The following RABGEF1 variants were observed in gnomAD, a reference collection of about 807,000 sequenced individuals.
The protein encoded by RABGEF1 is RAB guanine nucleotide exchange factor 1.
A neutral mutation model predicts 57.3 loss-of-function variants in RABGEF1; 26 were observed. The observed-to-expected ratio is 0.45, with a 90% CI of 0.33 to 0.63. The LOEUF (loss-of-function observed/expected upper bound fraction) is 0.63, where lower values mean the gene tolerates loss of function less well. Among genes scored for constraint, RABGEF1 ranks in the 20% least tolerant of loss-of-function variants. The pLI, the probability that RABGEF1 is intolerant of heterozygous loss-of-function variation, is 0.02. For synonymous variants in RABGEF1, 185 were observed against 210.7 expected, an observed-to-expected ratio of 0.88 and a Z score of 1.06; for missense variants, 464 against 607.6, an observed-to-expected ratio of 0.76 and a Z score of 2.48.
At chr7:66,760,006 AC>A (rs1469841412) in intron 1 of RABGEF1, among the ~76,000 whole-genome samples, 1 of 152,204 alleles carries the variant, frequency 6.6e-6, no homozygotes, top group Admixed American at 6.5e-5. Flanking sequence ...CAGTACCGTA[AC>A]CATACAAAAC....
At chr7:66,757,565 C>G (rs1265488703) in intron 1 of RABGEF1, among the ~76,000 whole-genome samples, 1 of 152,216 alleles carries the variant, frequency 6.6e-6, no homozygotes, top group Non-Finnish European at 1.5e-5. Flanking sequence ...AGAGGGAACA[C>G]TATAGGAATA....
chr7:66,702,967 GT>G (rs929933893), intron 1 of RABGEF1, among the ~76,000 whole-genome samples: 2 of 151,862 alleles, frequency 1.3e-5, no homozygotes, highest in East Asian at 3.9e-4. Flanking sequence ...ATGTATCTAA[GT>G]TTTTTTGTTT....
chr7:66,711,277 T>A (rs1003985184), intron 1 of RABGEF1, among the ~76,000 whole-genome samples: 2 of 152,250 alleles, frequency 1.3e-5, no homozygotes, highest in African/African-American at 4.8e-5. Context: ...AATTGTGGTT[T>A]TGATGTTGTA....
upstream of RABGEF1, among the ~76,000 whole-genome samples, chr7:66,677,356 G>C (rs533484466): frequency 6.6e-6 from 1 of 152,114 alleles, no homozygotes. Context: ...AGGATAACTT[G>C]AGGCCATAAG....
At chr7:66,781,333 G>T (rs534264671) in intron 3 of RABGEF1, among the ~76,000 whole-genome samples, 1 of 152,070 alleles carries the variant, frequency 6.6e-6, no homozygotes, top group Non-Finnish European at 1.5e-5. Context: ...AATAATCTTA[G>T]ACGGGAATTT....
In RABGEF1 at chr7:66,771,938, T is replaced by A; in HGVS notation, c.39T>A (p.Asp13Glu). Residue 13 changes from aspartate (D) to glutamate (E), a missense_variant, in exon 2 of 9, where the codon GAT (aspartate) becomes GAA (glutamate). By Grantham distance (45) the Asp-to-Glu change is conservative. Coordinates refer to ENST00000284957, the MANE Select transcript of RABGEF1 (RefSeq NM_014504.3). ...LKSERRGIHV[D>E]QSDLLCKKGC... is the part of the protein sequence containing the mutation. ...CTGAACGCCGAGGAATTCATGTGGA[T>A]CAATCGGATCTCCTGTGCAAGAAAG... 6.3e-7 allele frequency: 1 copy of A among 1,576,862 alleles called. No individual in the cohort carries two copies. Among genetic ancestry groups the A allele is most frequent in the Non-Finnish European group, 8.6e-7 (1 of 1,161,858 alleles).
intron 2 of RABGEF1, among the ~76,000 whole-genome samples, chr7:66,732,866 A>C (rs1343638302): frequency 6.6e-6 from 1 of 151,818 alleles, no homozygotes; most frequent in Non-Finnish European, 1.5e-5. Context: ...TCCATCCCTT[A>C]CTGGGATTAT....
At chr7:66,702,394 C>T (rs1283449578) in intron 1 of RABGEF1, among the ~76,000 whole-genome samples, 2 of 134,526 alleles carry the variant, frequency 1.5e-5, no homozygotes, top group Admixed American at 1.5e-4. Flanking sequence ...TGTGTGTCAG[C>T]TCCTTTAGGG....
intron 4 of RABGEF1, among the ~76,000 whole-genome samples, chr7:66,784,988 A>G (rs1810820706): frequency 1.3e-5 from 2 of 152,176 alleles, no homozygotes; most frequent in African/African-American, 4.8e-5. Flanking sequence ...TTGAGCCCAC[A>G]TGAAATGTTC....
At chr7:66,721,549 G>A (rs1796054512) in intron 2 of RABGEF1, among the ~76,000 whole-genome samples, 1 of 152,072 alleles carries the variant, frequency 6.6e-6, no homozygotes, top group Admixed American at 6.6e-5. Flanking sequence ...CCTTTGCTCT[G>A]GCACTTATCT....
chr7:66,713,266 C>T (rs758600218), intron 2 of RABGEF1, among the ~76,000 whole-genome samples: 6 of 151,918 alleles, frequency 3.9e-5, no homozygotes, highest in East Asian at 1.9e-4. Flanking sequence ...CTCAGCCTCC[C>T]GAGTAGGTGG....
chr7:66,714,749 C>A (rs1258027898), intron 2 of RABGEF1, among the ~76,000 whole-genome samples: 1 of 152,120 alleles, frequency 6.6e-6, no homozygotes, highest in Admixed American at 6.6e-5. Flanking sequence ...TCCTGGCTAA[C>A]ATGGTGAAAC....
intron 5 of RABGEF1, chr7:66,796,938 C>T (rs1423857478): frequency 2.3e-6 from 1 of 438,600 alleles, no homozygotes; most frequent in Non-Finnish European, 4.5e-6. Flanking sequence ...CATTCTTATA[C>T]TTTTGTTCTG....
intron 4 of RABGEF1, among the ~76,000 whole-genome samples, chr7:66,793,763 T>C (rs1262342612): frequency 1.3e-5 from 2 of 151,412 alleles, no homozygotes; most frequent in African/African-American, 4.8e-5. Flanking sequence ...TGGCCATTTT[T>C]ACTGAGGGAA....
intron 7 of RABGEF1, 98 bp downstream of exon 7, chr7:66,799,512 C>A: frequency 1.0e-6 from 1 of 997,796 alleles, no homozygotes; most frequent in Non-Finnish European, 1.5e-6. Flanking sequence ...TGCAGATTGT[C>A]GAAGGTACAT....
intron 4 of RABGEF1, among the ~76,000 whole-genome samples, chr7:66,789,421 G>A (rs1481379653): frequency 1.3e-5 from 2 of 152,060 alleles, no homozygotes; most frequent in African/African-American, 2.4e-5. Context: ...GGTGGCTTAC[G>A]CCTGTAATCC....
At chr7:66,704,192 G>A (rs1466866009) in intron 1 of RABGEF1, among the ~76,000 whole-genome samples, 2 of 152,196 alleles carry the variant, frequency 1.3e-5, no homozygotes, top group African/African-American at 2.4e-5. Flanking sequence ...CACCTCTAAG[G>A]TTGACAGTGG....
chr7:66,686,075 T>TA (rs1461941057), intron 1 of RABGEF1, among the ~76,000 whole-genome samples: 3 of 151,970 alleles, frequency 2.0e-5, no homozygotes, highest in African/African-American at 7.3e-5. Flanking sequence ...GGCCAGGAGT[T>TA]AGAGACCAGC....
chr7:66,753,701 G>T lies in RABGEF1; in HGVS notation c.-18+12909G>T, dbSNP rs868793255. ...ATCTGAAAATGTCTATTTTGCCATC[G>T]TTTTTTTTTTTTTTTTTTTTTTTGA... On this transcript the variant is annotated intron_variant, in intron 1 of 8. Coordinates refer to ENST00000284957, the MANE Select transcript of RABGEF1 (RefSeq NM_014504.3). Among the ~76,000 whole-genome samples, 288 of 78,738 alleles carry T rather than the reference G, an allele frequency of 3.7e-3. 1 individual carries two copies. Among genetic ancestry groups the T allele is most frequent in the Admixed American group, 4.4e-3 (23 of 5,170 alleles). 51.7% of individuals were successfully genotyped at this position (78,738 alleles called of 152,430 possible).
Sources: allele counts gnomAD v4.1 joint callset (sites outside exome capture counted in the v4.1 genomes callset), GRCh38; gene constraint gnomAD v4.1.1; transcripts MANE v1.5; gene names NCBI Gene and HGNC (gene_info 2026-07-23, HGNC 2026-07-21).